Variants in POLR1D observed in about 807,000 individuals in gnomAD.
POLR1D encodes RNA polymerase I and III subunit D.
A neutral mutation model predicts 10.8 loss-of-function variants in POLR1D; 8 were observed. The observed-to-expected ratio is 0.74, with a 90% CI of 0.43 to 1.33. The LOEUF (loss-of-function observed/expected upper bound fraction) is 1.33. Ranked by LOEUF, POLR1D falls within the 40% of genes most tolerant of loss-of-function variation. The pLI is 0.01. For missense variants in POLR1D, 152 were observed against 161.7 expected (o/e 0.94, Z 0.32); for synonymous variants, 54 against 57.2 (o/e 0.94, Z 0.25).
intron 1 of POLR1D, among the ~76,000 whole-genome samples, chr13:27,633,838 G>A (rs552991113): frequency 1.3e-5 from 2 of 152,232 alleles, no homozygotes; most frequent in Non-Finnish European, 2.9e-5. Flanking sequence ...CATAAGTCCC[G>A]GAGCTTGGAA....
intron 2 of POLR1D, among the ~76,000 whole-genome samples, chr13:27,659,336 T>G (rs566341844): frequency 6.6e-6 from 1 of 152,332 alleles, no homozygotes; most frequent in African/African-American, 2.4e-5. Flanking sequence ...CCACACTGAC[T>G]GTGTTAGAAC....
downstream of POLR1D, among the ~76,000 whole-genome samples, chr13:27,628,159 C>T (rs1956036348): frequency 6.6e-6 from 1 of 152,200 alleles, no homozygotes; most frequent in African/African-American, 2.4e-5. Flanking sequence ...GGATATGAAT[C>T]CAGGGCTACA....
chr13:27,623,976 A>G (rs1955980843), downstream of POLR1D, among the ~76,000 whole-genome samples: 1 of 152,196 alleles, frequency 6.6e-6, no homozygotes, highest in African/African-American at 2.4e-5. Context: ...AAACATTTTC[A>G]GTCCTTAAGT....
chr13:27,650,382 G>A, intron 2 of POLR1D: 1 of 233,352 alleles, frequency 4.3e-6, no homozygotes, highest in Admixed American at 5.7e-5. Context: ...ATTGATGGAT[G>A]GATGGATGGA....
downstream of POLR1D, among the ~76,000 whole-genome samples, chr13:27,623,968 A>T (rs535479548): frequency 6.6e-6 from 1 of 152,278 alleles, no homozygotes; most frequent in African/African-American, 2.4e-5. Flanking sequence ...TGACTAGAAA[A>T]CATTTTCAGT....
chr13:27,654,425 T>C (rs77712080), intron 2 of POLR1D, among the ~76,000 whole-genome samples: 5,180 of 152,298 alleles, frequency 0.034, 139 homozygotes, highest in Non-Finnish European at 0.055. Context: ...ATCACCAATC[T>C]CATCAGATCA....
At chr13:27,636,222 C>G (rs192411125) in intron 1 of POLR1D, among the ~76,000 whole-genome samples, 51 of 152,128 alleles carry the variant, frequency 3.4e-4, no homozygotes, top group African/African-American at 1.2e-3. Context: ...ATCGTTTCTC[C>G]CTAGGGTGAC....
At chr13:27,650,787 A>G (rs1335322494) in intron 2 of POLR1D, 1 of 152,234 alleles carries the variant, frequency 6.6e-6, no homozygotes, top group Non-Finnish European at 1.5e-5. Context: ...AAATGATTAA[A>G]ACACCTAAAA....
At chr13:27,655,213 T>G (rs901759310) in intron 2 of POLR1D, among the ~76,000 whole-genome samples, 1 of 152,222 alleles carries the variant, frequency 6.6e-6, no homozygotes, top group African/African-American at 2.4e-5. Flanking sequence ...AGGACATTGT[T>G]TGATTATCTA....
intron 1 of POLR1D, among the ~76,000 whole-genome samples, chr13:27,635,330 A>G (rs1005135738): frequency 1.3e-5 from 2 of 152,180 alleles, no homozygotes; most frequent in African/African-American, 4.8e-5. Flanking sequence ...CTCAAAATAT[A>G]GAAACTTTTA....
intron 2 of POLR1D, chr13:27,665,561 C>G: frequency 1.1e-6 from 1 of 874,358 alleles, no homozygotes; most frequent in Non-Finnish European, 1.9e-6. Context: ...GCAAGGAAAG[C>G]TAACAAATTC....
intron 1 of POLR1D, among the ~76,000 whole-genome samples, chr13:27,642,028 T>C (rs1956178783): frequency 6.6e-6 from 1 of 152,166 alleles, no homozygotes; most frequent in Non-Finnish European, 1.5e-5. Context: ...CTCTCTGTAG[T>C]GGCACCCTCC....
In POLR1D at chr13:27,623,232, A is replaced by G; in HGVS notation, c.384A>G (p.Arg128=). 6.2e-7 allele frequency: 1 copy of G among 1,614,054 alleles called. No homozygotes were observed. Among genetic ancestry groups the G allele is most frequent in the Non-Finnish European group, 8.5e-7 (1 of 1,180,026 alleles). Residue 128 remains arginine (R), a synonymous_variant, in exon 2 of 2, where the codon AGA becomes AGG. Transcript: ENST00000302979. Reference sequence around the variant, plus strand: ...ACTATAAGGATCAAAAAGCAAGCAGAAATGAATCCACATTCTAGTCCTTTA... The same window carrying G: ...ACTATAAGGATCAAAAAGCAAGCAGGAATGAATCCACATTCTAGTCCTTTA... ...IKDYKDQKAS[R]NESTF
chr13:27,659,925 T>TATATATATATATATATAC (rs528297415), intron 2 of POLR1D, among the ~76,000 whole-genome samples: 20 of 149,382 alleles, frequency 1.3e-4, no homozygotes, highest in African/African-American at 5.0e-4. Context: ...TATATATATA[T>TATATATATATATATATAC]ACACACACAT....
chr13:27,636,904 C>T (rs1189790749), intron 1 of POLR1D, among the ~76,000 whole-genome samples: 3 of 152,160 alleles, frequency 2.0e-5, no homozygotes, highest in Non-Finnish European at 1.5e-5. Context: ...ATATGTACGG[C>T]TACTTAAAGT....
At chr13:27,649,741 A>C (rs544127787) in intron 2 of POLR1D, among the ~76,000 whole-genome samples, 1 of 152,210 alleles carries the variant, frequency 6.6e-6, no homozygotes, top group Non-Finnish European at 1.5e-5. Flanking sequence ...GAAAAGGTCT[A>C]GAAACAATGA....
intron 1 of POLR1D, among the ~76,000 whole-genome samples, chr13:27,630,697 A>G (rs746460035): frequency 6.6e-6 from 1 of 152,242 alleles, no homozygotes; most frequent in African/African-American, 2.4e-5. Flanking sequence ...AAATGAAATA[A>G]AACACTTAGC....
At chr13:27,633,768 C>T (rs1348995700) in intron 1 of POLR1D, among the ~76,000 whole-genome samples, 1 of 152,172 alleles carries the variant, frequency 6.6e-6, no homozygotes, top group East Asian at 1.9e-4. Context: ...CCCAACATTG[C>T]GATCCCTCAT....
chr13:27,648,256 A>T, intron 1 of POLR1D: 1 of 652,198 alleles, frequency 1.5e-6, no homozygotes, highest in Non-Finnish European at 2.8e-6. Context: ...TTAAAAAAAA[A>T]TTTGCCCCAG....
Sources: allele counts gnomAD v4.1 joint callset (sites outside exome capture counted in the v4.1 genomes callset), GRCh38; gene constraint gnomAD v4.1.1; transcripts MANE v1.5; gene names NCBI Gene and HGNC (gene_info 2026-07-23, HGNC 2026-07-21).